CNTN4: variants seen among roughly 807,000 people sequenced by gnomAD.
The protein encoded by CNTN4 is contactin-4.
In CNTN4, 77 loss-of-function variants were observed where a neutral mutation model predicts 122.5. The ratio of observed to expected loss-of-function variants is 0.63; its 90% CI spans 0.52 to 0.76. CNTN4 has a LOEUF of 0.76. Ranked by LOEUF, CNTN4 falls within the 30% of genes least tolerant of loss-of-function variation. The pLI, the probability that CNTN4 is intolerant of heterozygous loss-of-function variation, is 0.00. For synonymous variants in CNTN4, 512 were observed against 447.0 expected (o/e 1.15, Z -1.83); for missense variants, 1,256 against 1,259.1 (o/e 1.00, Z 0.04).
chr3:2,670,506 T>C (rs1381154258), intron 4 of CNTN4, among the ~76,000 whole-genome samples: 1 of 152,160 alleles, frequency 6.6e-6, no homozygotes, highest in East Asian at 1.9e-4. Flanking sequence ...TGGGATGGGT[T>C]TCCTAAATAT....
At chr3:3,014,597 T>C (rs1350231072) in intron 14 of CNTN4, among the ~76,000 whole-genome samples, 1 of 151,986 alleles carries the variant, frequency 6.6e-6, no homozygotes, top group Non-Finnish European at 1.5e-5. Context: ...TGTCATTTAT[T>C]AGCATGTGAT....
intron 4 of CNTN4, among the ~76,000 whole-genome samples, chr3:2,680,510 G>A (rs1243134948): frequency 6.6e-6 from 1 of 152,254 alleles, no homozygotes; most frequent in Non-Finnish European, 1.5e-5. Context: ...CACGTTAGAA[G>A]ACTCACTATT....
At chr3:2,852,046 A>C (rs529673678) in intron 7 of CNTN4, among the ~76,000 whole-genome samples, 157 of 152,306 alleles carry the variant, frequency 1.0e-3, no homozygotes, top group Non-Finnish European at 1.5e-3. Context: ...GCCACACCCT[A>C]CCTCGTGGCT....
chr3:2,456,599 G>A (rs79430703), intron 3 of CNTN4, among the ~76,000 whole-genome samples: 3,421 of 151,950 alleles, frequency 0.023, 126 homozygotes, highest in African/African-American at 0.077. Context: ...TGGATATTTC[G>A]TATAAATAGA....
chr3:2,207,841 A>G (rs2038432666), intron 2 of CNTN4, among the ~76,000 whole-genome samples: 1 of 152,134 alleles, frequency 6.6e-6, no homozygotes. Context: ...GCCTGGATTC[A>G]GAGCCTCAAA....
intron 3 of CNTN4, among the ~76,000 whole-genome samples, chr3:2,531,777 T>C (rs17015816): frequency 0.22 from 33,914 of 152,042 alleles, 4,124 homozygotes; most frequent in East Asian, 0.55. Flanking sequence ...TGATGAATGC[T>C]CTTGAGAGGC....
Position 2,677,488 on chromosome 3 carries a change from A to ATCTATCTATCTG in CNTN4, c.56-58716_56-58715insGTCTATCTATCT, listed in dbSNP as rs2084933153. On this transcript the variant is annotated intron_variant, in intron 4 of 24. Coordinates refer to ENST00000418658, the MANE Select transcript of CNTN4 (RefSeq NM_175607.3). ...TCTATCCATCTATCCATCTATATCT[A>ATCTATCTATCTG]TCTATCTATCTATCTATCTATCTAT... Among the ~76,000 whole-genome samples the ATCTATCTATCTG allele has an allele frequency of 4.1e-5, 3 of 73,126 alleles. No individual in the cohort carries two copies. The South Asian group carries it at 1.6e-3, about 40-fold the overall frequency. 48.0% of individuals were successfully genotyped at this position (73,126 alleles called of 152,430 possible).
chr3:2,431,486 T>C lies in CNTN4; in HGVS notation c.-89+92253T>C, dbSNP rs143010222. On this transcript the variant is annotated intron_variant, in intron 3 of 24. Transcript: ENST00000418658. ...CTTTTGATACAAACATCTCCACTTTTCAGTTTTGCAAAAGTGATGCATTAG... is the reference window on the plus strand; with the variant it reads ...CTTTTGATACAAACATCTCCACTTTCCAGTTTTGCAAAAGTGATGCATTAG... Among the ~76,000 whole-genome samples, 690 of 152,322 alleles carry C rather than the reference T, an allele frequency of 4.5e-3. 4 individuals are homozygous for C. Among genetic ancestry groups the C allele is most frequent in the African/African-American group, 0.016 (653 of 41,576 alleles).
intron 4 of CNTN4, among the ~76,000 whole-genome samples, chr3:2,627,308 A>G (rs1342727447): frequency 6.6e-6 from 1 of 152,184 alleles, no homozygotes; most frequent in Non-Finnish European, 1.5e-5. Flanking sequence ...CAGTTCTGAC[A>G]TGGATCCTTC....
intron 2 of CNTN4, among the ~76,000 whole-genome samples, chr3:2,149,971 T>TC (rs1228123495): frequency 6.6e-6 from 1 of 151,324 alleles, no homozygotes; most frequent in Non-Finnish European, 1.5e-5. Flanking sequence ...GCATAGCTTT[T>TC]TTTTTTTTTT....
At chr3:2,189,287 G>A (rs2037415493) in intron 2 of CNTN4, among the ~76,000 whole-genome samples, 3 of 152,110 alleles carry the variant, frequency 2.0e-5, no homozygotes, top group South Asian at 4.1e-4. Flanking sequence ...AATGTGAGGA[G>A]GTAGGGAGGA....
intron 2 of CNTN4, among the ~76,000 whole-genome samples, chr3:2,145,741 T>C (rs2035214534): frequency 6.6e-6 from 1 of 152,236 alleles, no homozygotes; most frequent in Non-Finnish European, 1.5e-5. Context: ...GAACATTTTC[T>C]AAGAGCTTGG....
chr3:2,586,817 C>A (rs1286969234), intron 4 of CNTN4, among the ~76,000 whole-genome samples: 1 of 152,186 alleles, frequency 6.6e-6, no homozygotes, highest in African/African-American at 2.4e-5. Flanking sequence ...CTCAAGAAGA[C>A]AACTGTCCTC....
intron 4 of CNTN4, among the ~76,000 whole-genome samples, chr3:2,647,824 C>A (rs879726389): frequency 6.6e-6 from 1 of 152,158 alleles, no homozygotes; most frequent in Non-Finnish European, 1.5e-5. Context: ...ATCTTAATTC[C>A]ATTTTCTATT....
chr3:2,761,683 A>G (rs891856239), intron 6 of CNTN4, among the ~76,000 whole-genome samples: 2 of 152,286 alleles, frequency 1.3e-5, no homozygotes, highest in Non-Finnish European at 2.9e-5. Flanking sequence ...GGTATTAAAC[A>G]TTGGTACATA....
chr3:2,415,017 A>G (rs1482234461), intron 3 of CNTN4, among the ~76,000 whole-genome samples: 3 of 152,182 alleles, frequency 2.0e-5, no homozygotes, highest in South Asian at 4.1e-4. Flanking sequence ...ATTATTTCCA[A>G]TATATTAAGT....
chr3:2,747,244 C>G (rs2089824586), intron 6 of CNTN4, among the ~76,000 whole-genome samples: 1 of 151,606 alleles, frequency 6.6e-6, no homozygotes, highest in Non-Finnish European at 1.5e-5. Context: ...CGCGTCTCTA[C>G]TAAAAATACA....
intron 3 of CNTN4, among the ~76,000 whole-genome samples, chr3:2,537,384 C>T (rs978293242): frequency 5.9e-5 from 9 of 152,156 alleles, no homozygotes; most frequent in African/African-American, 1.9e-4. Context: ...CTTCAGCATC[C>T]TCAGAGTCCT....
chr3:2,257,400 C>T (rs1348832821), intron 2 of CNTN4, among the ~76,000 whole-genome samples: 2 of 152,184 alleles, frequency 1.3e-5, no homozygotes, highest in Non-Finnish European at 2.9e-5. Context: ...ATGACTAAGA[C>T]ACCAAAAGCA....
Sources: allele counts gnomAD v4.1 joint callset (sites outside exome capture counted in the v4.1 genomes callset), GRCh38; gene constraint gnomAD v4.1.1; transcripts MANE v1.5; gene names NCBI Gene and HGNC (gene_info 2026-07-23, HGNC 2026-07-21).